Variants in MNAT1 observed in about 807,000 individuals in gnomAD.
MNAT1 encodes MNAT1 component of CDK activating kinase.
Under a neutral mutation model 42.0 loss-of-function variants are expected in MNAT1, and 43 were observed. The ratio of observed to expected loss-of-function variants is 1.02; its 90% CI spans 0.80 to 1.32. The LOEUF is 1.32. Among genes scored for constraint, MNAT1 ranks in the 40% most tolerant of loss-of-function variants. MNAT1 has a pLI of 0.00. For synonymous variants in MNAT1, 118 were observed against 120.0 expected (o/e 0.98, Z 0.11); for missense variants, 306 against 350.4 (o/e 0.87, Z 1.01).
intron 1 of MNAT1, among the ~76,000 whole-genome samples, chr14:60,789,259 G>A (rs1566766166): frequency 6.6e-6 from 1 of 152,086 alleles, no homozygotes; most frequent in Non-Finnish European, 1.5e-5. Context: ...CATTTATTAA[G>A]TTTGCTGTCT....
intron 1 of MNAT1, among the ~76,000 whole-genome samples, chr14:60,758,432 G>C (rs910637735): frequency 6.6e-5 from 10 of 151,660 alleles, no homozygotes; most frequent in Non-Finnish European, 1.5e-4. Context: ...CGAACTCCTG[G>C]GCTCAAGTGA....
intron 7 of MNAT1, among the ~76,000 whole-genome samples, chr14:60,955,627 C>T (rs2036474850): frequency 6.6e-6 from 1 of 152,152 alleles, no homozygotes; most frequent in Non-Finnish European, 1.5e-5. Flanking sequence ...CACCATTGCA[C>T]TCAAACCTGG....
At chr14:60,774,685 ATGTATTTTAGAT>A (rs1277227749) in intron 1 of MNAT1, among the ~76,000 whole-genome samples, 7 of 152,184 alleles carry the variant, frequency 4.6e-5, no homozygotes, top group African/African-American at 7.2e-5. Flanking sequence ...CCAAAAGCAG[ATGTATTTTAGAT>A]TGTATTTTAG....
At chr14:60,937,736 C>A (rs2036034575) in intron 7 of MNAT1, among the ~76,000 whole-genome samples, 1 of 151,888 alleles carries the variant, frequency 6.6e-6, no homozygotes, top group Admixed American at 6.6e-5. Context: ...TCCATATGAA[C>A]TTTAAAGTAG....
intron 7 of MNAT1, among the ~76,000 whole-genome samples, chr14:60,892,489 A>G (rs2034867263): frequency 1.3e-5 from 2 of 152,124 alleles, no homozygotes; most frequent in Non-Finnish European, 2.9e-5. Context: ...TTGAATCCAA[A>G]GTTAGTTTCT....
At chr14:60,887,222 G>A (rs1943383821) in intron 7 of MNAT1, among the ~76,000 whole-genome samples, 1 of 150,596 alleles carries the variant, frequency 6.6e-6, no homozygotes, top group Admixed American at 6.6e-5. Flanking sequence ...TCTTGTTTTT[G>A]TTTGTTTTTT....
At chr14:60,794,936 C>T (rs1311231654) in intron 1 of MNAT1, among the ~76,000 whole-genome samples, 4 of 151,682 alleles carry the variant, frequency 2.6e-5, no homozygotes, top group African/African-American at 9.7e-5. Context: ...GAGTACTTAG[C>T]GTTAGGCACT....
At chr14:60,776,115 T>C (rs1480707559) in intron 1 of MNAT1, among the ~76,000 whole-genome samples, 1 of 152,190 alleles carries the variant, frequency 6.6e-6, no homozygotes, top group Non-Finnish European at 1.5e-5. Flanking sequence ...GTGAGTTAAA[T>C]GCATTTGCAA....
At chr14:60,758,322 C>T (rs1456955849) in intron 1 of MNAT1, among the ~76,000 whole-genome samples, 1 of 151,730 alleles carries the variant, frequency 6.6e-6, no homozygotes, top group Non-Finnish European at 1.5e-5. Context: ...CCTCTCATGT[C>T]AGCCTCCTCA....
rs1291811612 is a variant in MNAT1 at position 60,910,336 on chromosome 14, C to T, written c.809+30501C>T. The stretch of plus-strand genomic sequence containing the variant: ...TTTATTTCCTTCTCCTGCCTGATTG[C>T]CCTGGCCAGAACTTCCAACACTATG... On this transcript the variant is annotated intron_variant, in intron 7 of 7. Coordinates refer to ENST00000261245, the MANE Select transcript of MNAT1 (RefSeq NM_002431.4). Among the ~76,000 whole-genome samples, 5 of 152,116 alleles carry T rather than the reference C, an allele frequency of 3.3e-5. No homozygotes were observed. The South Asian group carries it at 8.3e-4, about 25-fold the overall frequency.
chr14:60,813,262 T>C (rs1035635194), intron 5 of MNAT1, among the ~76,000 whole-genome samples: 2 of 152,146 alleles, frequency 1.3e-5, no homozygotes, highest in African/African-American at 4.8e-5. Flanking sequence ...GCGGGCCCCA[T>C]GCAAAACTTG....
At chr14:60,758,592 C>A (rs2030464418) in intron 1 of MNAT1, among the ~76,000 whole-genome samples, 2 of 151,690 alleles carry the variant, frequency 1.3e-5, no homozygotes, top group South Asian at 4.2e-4. Context: ...CTCCTCCCAA[C>A]CCTCCAAAAA....
intron 1 of MNAT1, among the ~76,000 whole-genome samples, chr14:60,760,962 A>G (rs1405994086): frequency 1.3e-5 from 2 of 152,190 alleles, no homozygotes; most frequent in Non-Finnish European, 2.9e-5. Flanking sequence ...CACAAAGAAA[A>G]CCAAAGATTT....
intron 6 of MNAT1, among the ~76,000 whole-genome samples, chr14:60,867,458 C>T (rs771893509): frequency 8.6e-5 from 13 of 151,810 alleles, no homozygotes; most frequent in Admixed American, 6.6e-5. Flanking sequence ...TCTTTTTTAC[C>T]GTTATATTCT....
rs1336360086 is a variant in MNAT1 at position 60,798,078 on chromosome 14, T to C, written c.243-9T>C. On this transcript the variant is annotated splice_polypyrimidine_tract_variant and intron_variant, in intron 2 of 7. Transcript: ENST00000261245. ...GTAATATGTAGATTTCTTTTTTCTT[T>C]TCTTAAAGATACAATAAAAGGGAAG... 7.7e-7 allele frequency: 1 copy of C among 1,305,726 alleles called. No homozygotes were observed. The highest frequency in any genetic ancestry group is 1.5e-5 in the African/African-American group (1 of 67,878). The allele number at this position is 1,305,726 out of a possible 1,614,324, so 80.9% of individuals were successfully genotyped here.
chr14:60,823,993 C>G (rs1594780430), intron 6 of MNAT1, among the ~76,000 whole-genome samples: 1 of 151,420 alleles, frequency 6.6e-6, no homozygotes. Context: ...CCTATCTGTA[C>G]TAAAAATACA....
chr14:60,911,146 T>C (rs181206178), intron 7 of MNAT1, among the ~76,000 whole-genome samples: 93 of 152,338 alleles, frequency 6.1e-4, no homozygotes, highest in Admixed American at 5.8e-3. Flanking sequence ...TGGTAGTTTG[T>C]ATTTCTGTGG....
At chr14:60,965,974 T>C (rs915834835) in intron 7 of MNAT1, among the ~76,000 whole-genome samples, 1 of 152,206 alleles carries the variant, frequency 6.6e-6, no homozygotes, top group East Asian at 1.9e-4. Flanking sequence ...TAACATTTAC[T>C]TCATTTCTCA....
At chr14:60,889,473 C>A (rs1205395067) in intron 7 of MNAT1, among the ~76,000 whole-genome samples, 2 of 152,012 alleles carry the variant, frequency 1.3e-5, no homozygotes, top group East Asian at 3.9e-4. Flanking sequence ...AAGACTTAAA[C>A]GTTAGATCTA....
Sources: gnomAD v4.1 joint callset for allele counts (sites outside exome capture counted in the v4.1 genomes callset) on GRCh38, gnomAD v4.1.1 for gene constraint, MANE v1.5 for transcripts, NCBI Gene and HGNC (gene_info 2026-07-23, HGNC 2026-07-21) for gene names.